C8orf34: variants seen among roughly 807,000 people sequenced by gnomAD.
The protein encoded by C8orf34 is uncharacterized protein C8orf34.
Under a neutral mutation model 68.3 loss-of-function variants are expected in C8orf34, and 65 were observed. That is an observed-to-expected ratio of 0.95 (90% CI 0.78 to 1.17). C8orf34 has a LOEUF of 1.17. Among genes scored for constraint, C8orf34 ranks in the 50% most tolerant of loss-of-function variants. The pLI is 0.00. For synonymous variants in C8orf34, 244 were observed against 241.2 expected (o/e 1.01, Z -0.11); for missense variants, 664 against 655.4 (o/e 1.01, Z -0.14).
At chr8:68,546,293 C>T (rs912791932) in intron 7 of C8orf34, among the ~76,000 whole-genome samples, 1 of 151,738 alleles carries the variant, frequency 6.6e-6, no homozygotes, top group Non-Finnish European at 1.5e-5. Flanking sequence ...ACTGGATAAA[C>T]GAGCAAAACT....
chr8:68,446,526 A>G, intron 3 of C8orf34, 66 bp downstream of exon 3: 1 of 1,525,966 alleles, frequency 6.6e-7, no homozygotes, highest in Non-Finnish European at 8.8e-7. Flanking sequence ...GAAAATGAAG[A>G]AAAGGTATTA....
At chr8:68,803,507 A>AT (rs1824392781) in intron 12 of C8orf34, among the ~76,000 whole-genome samples, 1 of 152,238 alleles carries the variant, frequency 6.6e-6, no homozygotes, top group East Asian at 1.9e-4. Flanking sequence ...CTAAAAAAAA[A>AT]GCGTATTTCC....
intron 11 of C8orf34, among the ~76,000 whole-genome samples, chr8:68,780,627 C>T (rs1823647749): frequency 6.6e-6 from 1 of 152,014 alleles, no homozygotes; most frequent in South Asian, 2.1e-4. Flanking sequence ...GTATAATTCA[C>T]TTAAAAATTG....
At chr8:68,357,430 T>C (rs1030042453) in intron 1 of C8orf34, among the ~76,000 whole-genome samples, 4 of 152,184 alleles carry the variant, frequency 2.6e-5, no homozygotes, top group Non-Finnish European at 5.9e-5. Context: ...CATTGAAGTT[T>C]GTGTGCAACT....
chr8:68,487,052 T>G (rs1813109942), intron 4 of C8orf34, among the ~76,000 whole-genome samples: 1 of 152,150 alleles, frequency 6.6e-6, no homozygotes, highest in African/African-American at 2.4e-5. Flanking sequence ...TTGAGGAGGA[T>G]GATGTCTTTA....
At chr8:68,394,088 T>G (rs80289506) in intron 1 of C8orf34, among the ~76,000 whole-genome samples, 1 of 47,826 alleles carries the variant, frequency 2.1e-5, no homozygotes, top group African/African-American at 6.1e-5. Flanking sequence ...AGGCATGCCA[T>G]TTTTTTTTTA....
intron 8 of C8orf34, among the ~76,000 whole-genome samples, chr8:68,702,768 A>G (rs1337708624): frequency 1.3e-5 from 2 of 152,158 alleles, no homozygotes; most frequent in Non-Finnish European, 2.9e-5. Flanking sequence ...TAAGGGAATT[A>G]TATCACCTTA....
intron 10 of C8orf34, among the ~76,000 whole-genome samples, chr8:68,730,394 C>G (rs948009210): frequency 1.3e-5 from 2 of 152,110 alleles, no homozygotes; most frequent in African/African-American, 4.8e-5. Flanking sequence ...GCCAATAAAG[C>G]TGCTCAAAAT....
At chr8:68,753,544 C>T (rs532425059) in intron 10 of C8orf34, among the ~76,000 whole-genome samples, 4 of 152,250 alleles carry the variant, frequency 2.6e-5, no homozygotes, top group Admixed American at 2.6e-4. Context: ...GAGGATTGAA[C>T]TTGATCTTTG....
chr8:68,400,697 A>C (rs1808912938), intron 1 of C8orf34, among the ~76,000 whole-genome samples: 1 of 152,140 alleles, frequency 6.6e-6, no homozygotes, highest in African/African-American at 2.4e-5. Context: ...AGTAGCTAGG[A>C]CTACAAGTGT....
chr8:68,781,616 T>A (rs992913101), intron 11 of C8orf34, among the ~76,000 whole-genome samples: 1 of 152,186 alleles, frequency 6.6e-6, no homozygotes, highest in African/African-American at 2.4e-5. Context: ...TTTGACCCCA[T>A]CAAAAAGAAT....
chr8:68,747,595 A>G (rs1287832765), intron 10 of C8orf34, among the ~76,000 whole-genome samples: 3 of 151,712 alleles, frequency 2.0e-5, no homozygotes, highest in Non-Finnish European at 2.9e-5. Context: ...CCAATAACAG[A>G]CAAACAGAGA....
chr8:68,701,991 G>A (rs911960093), intron 8 of C8orf34, among the ~76,000 whole-genome samples: 9 of 151,906 alleles, frequency 5.9e-5, no homozygotes, highest in African/African-American at 2.2e-4. Context: ...CTATGAAGTT[G>A]TACACTGCCC....
intron 7 of C8orf34, among the ~76,000 whole-genome samples, chr8:68,631,595 C>T (rs994322705): frequency 1.3e-5 from 2 of 152,068 alleles, no homozygotes; most frequent in African/African-American, 4.8e-5. Context: ...TCAGAAAGTA[C>T]TATTGATATT....
At chr8:68,529,007 T>C (rs962996270) in intron 6 of C8orf34, among the ~76,000 whole-genome samples, 5 of 152,198 alleles carry the variant, frequency 3.3e-5, no homozygotes, top group African/African-American at 4.8e-5. Context: ...AAATCACCCA[T>C]GTAAGCTCAT....
chr8:68,684,631 A>T (rs1319199754), intron 8 of C8orf34, among the ~76,000 whole-genome samples: 1 of 152,116 alleles, frequency 6.6e-6, no homozygotes, highest in African/African-American at 2.4e-5. Flanking sequence ...ATGATTTCTG[A>T]GAATAATTTT....
intron 10 of C8orf34, among the ~76,000 whole-genome samples, chr8:68,752,680 G>T (rs1020827923): frequency 4.6e-5 from 7 of 152,146 alleles, no homozygotes; most frequent in Non-Finnish European, 7.4e-5. Flanking sequence ...TTGTGGATGC[G>T]CAGTGGAAGT....
intron 1 of C8orf34, among the ~76,000 whole-genome samples, chr8:68,386,331 G>A (rs2591020): frequency 0.11 from 17,121 of 152,114 alleles, 1,005 homozygotes; most frequent in Middle Eastern, 0.13. Flanking sequence ...AAATGCAATG[G>A]TCATTTCTAC....
At chr8:68,797,812 G>A (rs1002505401) in intron 12 of C8orf34, among the ~76,000 whole-genome samples, 11 of 152,306 alleles carry the variant, frequency 7.2e-5, no homozygotes, top group African/African-American at 1.2e-4. Flanking sequence ...GGCTTCATGA[G>A]GATTGTGGCA....
Sources: allele counts gnomAD v4.1 joint callset (sites outside exome capture counted in the v4.1 genomes callset), GRCh38; gene constraint gnomAD v4.1.1; transcripts MANE v1.5; gene names NCBI Gene and HGNC (gene_info 2026-07-23, HGNC 2026-07-21).